Variants in DNAH9 observed in about 807,000 individuals in gnomAD.
DNAH9 encodes the protein dynein axonemal heavy chain 9.
DNAH9 carries 345 observed loss-of-function variants against 471.6 expected under a neutral mutation model. That is an observed-to-expected ratio of 0.73 (90% CI 0.67 to 0.80). The LOEUF (loss-of-function observed/expected upper bound fraction) is 0.80, where lower values mean the gene tolerates loss of function less well. Among genes scored for constraint, DNAH9 ranks in the 30% least tolerant of loss-of-function variants. The pLI, the probability that DNAH9 is intolerant of heterozygous loss-of-function variation, is 0.00. For synonymous variants in DNAH9, 2,093 were observed against 2,123.6 expected (o/e 0.99, Z 0.40); for missense variants, 5,407 against 5,609.2 (o/e 0.96, Z 1.15).
intron 49 of DNAH9, among the ~76,000 whole-genome samples, chr17:11,846,040 C>A (rs1398124936): frequency 6.6e-6 from 1 of 151,892 alleles, no homozygotes; most frequent in African/African-American, 2.4e-5. Flanking sequence ...GCTTTTGTTG[C>A]CATTGCTTTT....
chr17:11,651,134 A>G lies in DNAH9; in HGVS notation c.2163A>G (p.Thr721=). ...GAGAGATGAAACACATGCCTGAGAC[A>G]GCAGCAGCCATGTTCTCCTCCAGGG... is the stretch of plus-strand genomic sequence containing the variant. ...EPREMKHMPE[T]AAAMFSSRDF... The change falls in exon 13 of 69, where the codon ACA becomes ACG. Residue 721 remains threonine (T), a synonymous_variant. Transcript: ENST00000262442. 6.2e-7 allele frequency: 1 copy of G among 1,613,984 alleles called. No individual in the cohort carries two copies. The highest frequency in any genetic ancestry group is 1.1e-5 in the South Asian group (1 of 91,086).
At chr17:11,834,926 C>A in intron 49 of DNAH9, 28 bp downstream of exon 49, 2 of 1,606,176 alleles carry the variant, frequency 1.2e-6, no homozygotes, top group South Asian at 1.1e-5. Context: ...CATACCTGCT[C>A]ATCCCTCAGG....
rs1027838085 is a variant in DNAH9, at chr17:11,623,998, G to A, written c.1350+4217G>A. 2.0e-5 allele frequency among the ~76,000 whole-genome samples: 3 copies of A among 152,056 alleles called. No homozygotes were observed. The highest frequency in any genetic ancestry group is 7.2e-5 in the African/African-American group (3 of 41,404). On this transcript the variant is annotated intron_variant, in intron 6 of 68. Coordinates refer to ENST00000262442, the MANE Select transcript of DNAH9 (RefSeq NM_001372.4). The surrounding 1 kb of genome is among the most constrained non-coding windows in gnomAD (Gnocchi z 4.1). ...GAGGTGGGGCTGGCTTGGAAGAAGG[G>A]GTATACATTGCCCAGTATTTTTCGG... is the stretch of plus-strand genomic sequence containing the variant.
intron 38 of DNAH9, among the ~76,000 whole-genome samples, chr17:11,778,354 A>G (rs200002156): frequency 0.044 from 6,008 of 137,926 alleles, 164 homozygotes; most frequent in East Asian, 0.11. Flanking sequence ...AAAAAAAAAA[A>G]AAAAAAAAGA....
intron 13 of DNAH9, 84 bp downstream of exon 13, chr17:11,651,408 G>A: frequency 2.2e-6 from 3 of 1,384,970 alleles, no homozygotes; most frequent in South Asian, 1.4e-5. Flanking sequence ...ATTATTCCCT[G>A]GTAATCTTAT....
At chr17:11,698,182 T>TA (rs369729599) in intron 22 of DNAH9, among the ~76,000 whole-genome samples, 4 of 120,350 alleles carry the variant, frequency 3.3e-5, no homozygotes, top group Admixed American at 9.9e-5. Context: ...TAATATATTA[T>TA]TATATTAATA....
At chr17:11,688,809 C>T (rs557209210) in intron 19 of DNAH9, among the ~76,000 whole-genome samples, 1 of 152,210 alleles carries the variant, frequency 6.6e-6, no homozygotes, top group African/African-American at 2.4e-5. Context: ...TTAAAGATCA[C>T]CTACCAAGCC....
chr17:11,631,640 C>A (rs922559695), intron 7 of DNAH9, among the ~76,000 whole-genome samples: 992 of 113,808 alleles, frequency 8.7e-3, no homozygotes, highest in African/African-American at 9.8e-3. Flanking sequence ...GACTCTGTCT[C>A]AAAAAAAAAA....
Position 11,694,648 on chromosome 17 carries a change from CGCTT to C in DNAH9, c.4872+202_4872+205del, listed in dbSNP as rs2074404662. 2.6e-4 allele frequency among the ~76,000 whole-genome samples: 2 copies of C among 7,842 alleles called. 1 individual carries two copies. Among genetic ancestry groups the C allele is most frequent in the Non-Finnish European group, 8.6e-4 (2 of 2,334 alleles). The allele number at this position is 7,842 out of a possible 152,430, so 5.1% of individuals were successfully genotyped here. On this transcript the variant is annotated intron_variant, in intron 22 of 68. Coordinates refer to ENST00000262442, the MANE Select transcript of DNAH9 (RefSeq NM_001372.4). ...TTGCTTTCTTGCTTTCTTGCTTTCT[CGCTT>C]TCTCGCTTTCTCGCTTTCTCGCTTT...
chr17:11,712,348 T>G (rs1008338809), intron 26 of DNAH9, among the ~76,000 whole-genome samples: 2 of 151,690 alleles, frequency 1.3e-5, no homozygotes, highest in African/African-American at 2.4e-5. Context: ...GACACTTAGA[T>G]GATTTTCAGC....
At chr17:11,675,811 C>T (rs1267419305) in intron 17 of DNAH9, among the ~76,000 whole-genome samples, 1 of 152,092 alleles carries the variant, frequency 6.6e-6, no homozygotes, top group African/African-American at 2.4e-5. Flanking sequence ...TCAATATACT[C>T]TCTGGCTTAT....
At chr17:11,718,661 G>T (rs968921871) in intron 26 of DNAH9, among the ~76,000 whole-genome samples, 1 of 152,164 alleles carries the variant, frequency 6.6e-6, no homozygotes, top group South Asian at 2.1e-4. Context: ...TTTATAAATA[G>T]TTTTTGAGGG....
intron 14 of DNAH9, among the ~76,000 whole-genome samples, chr17:11,664,163 G>A (rs1486470155): frequency 6.6e-6 from 1 of 152,112 alleles, no homozygotes; most frequent in Non-Finnish European, 1.5e-5. Flanking sequence ...CATTGCTGGA[G>A]CATTTAGGCT....
At chr17:11,886,679 G>A (rs1245566552) in intron 56 of DNAH9, 146 bp from the exon 57 acceptor site, 1 of 998,686 alleles carries the variant, frequency 1.0e-6, no homozygotes, top group Non-Finnish European at 1.4e-6. Flanking sequence ...TACCATAGTA[G>A]CTTTTCAACT....
intron 1 of DNAH9, among the ~76,000 whole-genome samples, chr17:11,607,486 C>G (rs2072533183): frequency 6.6e-6 from 1 of 152,176 alleles, no homozygotes. Flanking sequence ...AATCATTCCA[C>G]CAGCTGGCAG....
At chr17:11,767,760 A>G (rs12943102) in intron 36 of DNAH9, among the ~76,000 whole-genome samples, 13,590 of 152,128 alleles carry the variant, frequency 0.089, 651 homozygotes, top group South Asian at 0.16. Context: ...ATACAGCCCC[A>G]TGCGTAAGGG....
chr17:11,855,066 A>AT (rs376083269), intron 50 of DNAH9, among the ~76,000 whole-genome samples: 119 of 147,018 alleles, frequency 8.1e-4, no homozygotes, highest in South Asian at 2.8e-3. Context: ...ATCAGAATTC[A>AT]TTTTTTTTTT....
chr17:11,911,438 T>C (rs1203931026), intron 61 of DNAH9, among the ~76,000 whole-genome samples: 1 of 152,230 alleles, frequency 6.6e-6, no homozygotes, highest in African/African-American at 2.4e-5. Flanking sequence ...AGCTTTGCAG[T>C]ATGTTTTGAA....
chr17:11,783,537 T>C, intron 39 of DNAH9, 109 bp from the exon 40 acceptor site: 1 of 720,046 alleles, frequency 1.4e-6, no homozygotes, highest in South Asian at 2.2e-5. Flanking sequence ...CTAGACTTTT[T>C]TATCACCCAA....
Sources: allele counts gnomAD v4.1 joint callset (sites outside exome capture counted in the v4.1 genomes callset), GRCh38; gene constraint gnomAD v4.1.1; non-coding constraint Gnocchi (gnomAD v3.1); transcripts MANE v1.5; gene names NCBI Gene and HGNC (gene_info 2026-07-23, HGNC 2026-07-21).